DHX29: variants seen among roughly 807,000 people sequenced by gnomAD.
DHX29 encodes the protein ATP-dependent RNA helicase DHX29.
Under a neutral mutation model 167.9 loss-of-function variants are expected in DHX29, and 79 were observed. The ratio of observed to expected loss-of-function variants is 0.47; its 90% confidence interval spans 0.39 to 0.57. The LOEUF is 0.57. DHX29 is among the 20% of genes least tolerant of loss of function. The pLI is 0.00. For missense variants in DHX29, 1,347 were observed against 1,593.4 expected (o/e 0.85, Z 2.63); for synonymous variants, 530 against 546.0 (o/e 0.97, Z 0.41).
At chr5:55,281,661 G>T in intron 11 of DHX29, 146 bp from the exon 12 acceptor site, 3 of 420,880 alleles carry the variant, frequency 7.1e-6, no homozygotes, top group Admixed American at 4.4e-5. Context: ...GTAATTATTA[G>T]TTTATTAACA....
chr5:55,256,549 A>G lies in DHX29; in HGVS notation c.4058-9T>C. The G allele has an allele frequency of 6.3e-7, 1 of 1,583,690 alleles. No homozygotes were observed. The highest frequency in any genetic ancestry group is 8.5e-7 in the Non-Finnish European group (1 of 1,171,440). Reference sequence around the variant, plus strand: ...CTGCAGAATCTTGTCATCTGAGTGGAAGGAAAAAAAAAAGCCACGAATAAA... The same window carrying G: ...CTGCAGAATCTTGTCATCTGAGTGGGAGGAAAAAAAAAAGCCACGAATAAA... On this transcript the variant is annotated splice_polypyrimidine_tract_variant and intron_variant, in intron 26 of 26. Coordinates refer to ENST00000251636, the MANE Select transcript of DHX29 (RefSeq NM_019030.4).
intron 22 of DHX29, 148 bp from the exon 23 acceptor site, chr5:55,267,379 A>T (rs966928112): frequency 1.6e-5 from 10 of 632,686 alleles, no homozygotes; most frequent in Admixed American, 9.4e-5. Context: ...CCAATTGTAT[A>T]TAAGAATATT....
chr5:55,285,548 A>C, intron 9 of DHX29, 132 bp from the exon 10 acceptor site: 2 of 1,230,354 alleles, frequency 1.6e-6, no homozygotes, highest in Non-Finnish European at 2.2e-6. Context: ...TTATTAGATA[A>C]TGATAATCTA....
At chr5:55,295,330 T>G in intron 5 of DHX29, 49 bp downstream of exon 5, 1 of 1,369,274 alleles carries the variant, frequency 7.3e-7, no homozygotes, top group South Asian at 1.2e-5. Context: ...CTGTTACATG[T>G]GCTCCATTCT....
chr5:55,281,694 G>C (rs1490906442), intron 11 of DHX29, among the ~76,000 whole-genome samples, 179 bp from the exon 12 acceptor site: 1 of 151,644 alleles, frequency 6.6e-6, no homozygotes, highest in Non-Finnish European at 1.5e-5. Flanking sequence ...TCTATTTAGT[G>C]CAATTTATTA....
chr5:55,263,051 G>A, intron 23 of DHX29, 119 bp from the exon 24 acceptor site: 2 of 749,742 alleles, frequency 2.7e-6, no homozygotes, highest in Non-Finnish European at 4.2e-6. Flanking sequence ...TGATTATTTG[G>A]CTAACGATAG....
Position 55,265,571 on chromosome 5 carries a change from C to A in DHX29, c.3525+1567G>T, listed in dbSNP as rs7707632. Reference sequence around the variant, plus strand: ...AAAATAAATGGCAAATAGGAAAAAACTGAGAAAGTGGTAACTATAGGTTAA... The same window carrying A: ...AAAATAAATGGCAAATAGGAAAAAAATGAGAAAGTGGTAACTATAGGTTAA... On this transcript the variant is annotated intron_variant, in intron 23 of 26. Coordinates refer to ENST00000251636, the MANE Select transcript of DHX29 (RefSeq NM_019030.4). Among the ~76,000 whole-genome samples the A allele has an allele frequency of 4.9e-3, 733 of 150,998 alleles. 6 individuals are homozygous for A. Among genetic ancestry groups the A allele is most frequent in the African/African-American group, 0.017 (685 of 41,112 alleles).
At chr5:55,282,778 A>G (rs1747499913) in intron 11 of DHX29, among the ~76,000 whole-genome samples, 1 of 152,106 alleles carries the variant, frequency 6.6e-6, no homozygotes, top group Non-Finnish European at 1.5e-5. Context: ...AAATACTAAC[A>G]TTTTAATTTA....
intron 14 of DHX29, among the ~76,000 whole-genome samples, chr5:55,275,773 G>GTA (rs760615727): frequency 3.3e-5 from 5 of 151,572 alleles, no homozygotes; most frequent in Non-Finnish European, 4.4e-5. Flanking sequence ...ATGTATGTAT[G>GTA]TGTGTGTGTC....
chr5:55,262,557 G>A, intron 24 of DHX29, 73 bp downstream of exon 24: 1 of 1,529,924 alleles, frequency 6.5e-7, no homozygotes, highest in Non-Finnish European at 8.8e-7. Context: ...TACCTGTTAG[G>A]GCATCCTAAC....
Position 55,285,421 on chromosome 5 carries a change from AAAG to A in DHX29, c.1233-8_1233-6del. On this transcript the variant is annotated splice_region_variant and splice_polypyrimidine_tract_variant and intron_variant, in intron 9 of 26. Coordinates refer to ENST00000251636, the MANE Select transcript of DHX29 (RefSeq NM_019030.4). ...TCAGACTTGATTACCCTAACCCTACAAAGAAGCAAACGCATTTTAAAAAAATAA... is the reference window on the plus strand; with the variant it reads ...TCAGACTTGATTACCCTAACCCTACAAAGCAAACGCATTTTAAAAAAATAA... 1.9e-6 allele frequency: 3 copies of A among 1,594,192 alleles called. No homozygotes were observed. Among genetic ancestry groups the A allele is most frequent in the Non-Finnish European group, 1.7e-6 (2 of 1,171,708 alleles).
intron 16 of DHX29, among the ~76,000 whole-genome samples, chr5:55,273,867 A>G (rs1216631730): frequency 6.6e-6 from 1 of 152,016 alleles, no homozygotes; most frequent in African/African-American, 2.4e-5. Flanking sequence ...TGGGCAGATC[A>G]TCTAAGGTCA....
chr5:55,276,511 AT>A, intron 13 of DHX29, 105 bp from the exon 14 acceptor site: 1 of 908,368 alleles, frequency 1.1e-6, no homozygotes, highest in South Asian at 1.8e-5. Context: ...CCAAATGTTA[AT>A]TTAGAATATT....
intron 18 of DHX29, among the ~76,000 whole-genome samples, chr5:55,270,928 A>G (rs565461222): frequency 6.6e-6 from 1 of 152,356 alleles, no homozygotes; most frequent in East Asian, 1.9e-4. Flanking sequence ...AAATTATTTA[A>G]CTTATCCTTT....
At chr5:55,267,094 T>C in intron 23 of DHX29, 44 bp downstream of exon 23, 1 of 1,297,624 alleles carries the variant, frequency 7.7e-7, no homozygotes, top group Non-Finnish European at 1.1e-6. Context: ...TAACTTATTA[T>C]AGTTACCCAT....
Position 55,274,685 on chromosome 5 carries a change from A to G in DHX29, c.2619T>C (p.Phe873=), listed in dbSNP as rs929912949. Reference sequence around the variant, plus strand: ...GCTGAATATGAGCAAGTCCTGGTAAAAAGATCAATACTGCTCCTTCAATAT... The same window carrying G: ...GCTGAATATGAGCAAGTCCTGGTAAGAAGATCAATACTGCTCCTTCAATAT... ...FRNIEGAVLI[F]LPGLAHIQQL... Residue 873 remains phenylalanine, a synonymous_variant, in exon 16 of 27, where the codon TTT becomes TTC. Coordinates refer to ENST00000251636, the MANE Select transcript of DHX29 (RefSeq NM_019030.4). 6.2e-7 allele frequency: 1 copy of G among 1,604,208 alleles called. No homozygotes were observed. The highest frequency in any genetic ancestry group is 8.5e-7 in the Non-Finnish European group (1 of 1,176,608).
intron 11 of DHX29, 24 bp from the exon 12 acceptor site, chr5:55,281,539 G>C: frequency 6.6e-7 from 1 of 1,510,726 alleles, no homozygotes; most frequent in Non-Finnish European, 8.9e-7. Context: ...ATAAGGCCTT[G>C]ATTAGATTCT....
intron 5 of DHX29, among the ~76,000 whole-genome samples, chr5:55,294,435 G>A (rs1748203898): frequency 6.6e-6 from 1 of 152,236 alleles, no homozygotes; most frequent in Non-Finnish European, 1.5e-5. Context: ...AGCACTTCGG[G>A]AGGCCAAAGC....
At chr5:55,256,651 T>G in intron 26 of DHX29, 111 bp from the exon 27 acceptor site, 1 of 871,016 alleles carries the variant, frequency 1.1e-6, no homozygotes. Context: ...TACATTAGAA[T>G]ACAGAATTAA....
Sources: allele counts gnomAD v4.1 joint callset (sites outside exome capture counted in the v4.1 genomes callset), GRCh38; gene constraint gnomAD v4.1.1; transcripts MANE v1.5; gene names NCBI Gene and HGNC (gene_info 2026-07-23, HGNC 2026-07-21).